ANKRD6: variants seen among roughly 807,000 people sequenced by gnomAD.
The protein encoded by ANKRD6 is ankyrin repeat domain-containing protein 6.
In ANKRD6, 56 loss-of-function variants were observed where a neutral mutation model predicts 82.3. The ratio of observed to expected loss-of-function variants is 0.68; its 90% CI spans 0.55 to 0.85. The LOEUF (loss-of-function observed/expected upper bound fraction) is 0.85. Among genes scored for constraint, ANKRD6 ranks in the 40% least tolerant of loss-of-function variants. The pLI is 0.00. For missense variants in ANKRD6, 852 were observed against 907.6 expected, an observed-to-expected ratio of 0.94 and a Z score of 0.79; for synonymous variants, 347 against 352.1, an observed-to-expected ratio of 0.99 and a Z score of 0.16.
intron 15 of ANKRD6, among the ~76,000 whole-genome samples, chr6:89,629,891 C>T (rs1429540575): frequency 2.0e-5 from 3 of 152,094 alleles, no homozygotes; most frequent in Non-Finnish European, 2.9e-5. Flanking sequence ...GGGGAAACAT[C>T]CCAGGAAAAT....
At chr6:89,520,711 C>A (rs946364517) in intron 1 of ANKRD6, among the ~76,000 whole-genome samples, 2 of 152,190 alleles carry the variant, frequency 1.3e-5, no homozygotes, top group Admixed American at 6.5e-5. Context: ...AAAAAGACAG[C>A]CAATAATATT....
intron 1 of ANKRD6, among the ~76,000 whole-genome samples, chr6:89,513,851 T>C (rs1030321025): frequency 1.3e-5 from 2 of 152,242 alleles, no homozygotes; most frequent in African/African-American, 4.8e-5. Context: ...ATTTATGGCA[T>C]GGCAAAGCAA....
At chr6:89,560,234 GTTC>G (rs1026074148) in intron 1 of ANKRD6, among the ~76,000 whole-genome samples, 1 of 152,206 alleles carries the variant, frequency 6.6e-6, no homozygotes, top group African/African-American at 2.4e-5. Context: ...CTACTTTCCA[GTTC>G]TTCTGGCTAG....
chr6:89,449,029 CAAAAAAAAAAAA>C (rs368751340), intron 1 of ANKRD6, among the ~76,000 whole-genome samples: 1 of 52,424 alleles, frequency 1.9e-5, no homozygotes, highest in Non-Finnish European at 4.2e-5. Flanking sequence ...GACTCCGTCT[CAAAAAAAAAAAA>C]AAAAAAAAAA....
At chr6:89,598,642 G>A (rs34150315) in intron 3 of ANKRD6, among the ~76,000 whole-genome samples, 6,200 of 152,248 alleles carry the variant, frequency 0.041, 184 homozygotes, top group Non-Finnish European at 0.063. Context: ...AGGCACCAAA[G>A]CTCTTAAAAT....
chr6:89,620,067 G>T (rs1042414104), intron 9 of ANKRD6: 2 of 152,224 alleles, frequency 1.3e-5, no homozygotes, highest in African/African-American at 4.8e-5. Context: ...GGCCAGGCTG[G>T]TCTCGAACTC....
intron 1 of ANKRD6, among the ~76,000 whole-genome samples, chr6:89,451,778 C>T (rs936098512): frequency 6.6e-6 from 1 of 152,166 alleles, no homozygotes; most frequent in Non-Finnish European, 1.5e-5. Flanking sequence ...AAAAATAGAA[C>T]ATAAAATATT....
intron 1 of ANKRD6, among the ~76,000 whole-genome samples, chr6:89,537,934 T>C (rs544582450): frequency 6.6e-6 from 1 of 150,522 alleles, no homozygotes; most frequent in East Asian, 1.9e-4. Context: ...TATTATATAA[T>C]GGACTTTACA....
intron 1 of ANKRD6, among the ~76,000 whole-genome samples, chr6:89,460,940 A>T (rs1321654589): frequency 8.0e-6 from 1 of 125,146 alleles, no homozygotes; most frequent in Non-Finnish European, 1.6e-5. Context: ...TCCCTCTGTC[A>T]TCGAGGCTGG....
At chr6:89,573,702 G>A (rs1790468716) in intron 2 of ANKRD6, among the ~76,000 whole-genome samples, 1 of 152,200 alleles carries the variant, frequency 6.6e-6, no homozygotes, top group African/African-American at 2.4e-5. Context: ...GGACAATTTG[G>A]TATAGAAACC....
intron 1 of ANKRD6, among the ~76,000 whole-genome samples, chr6:89,481,491 G>A (rs368358144): frequency 1.2e-4 from 18 of 152,218 alleles, no homozygotes; most frequent in African/African-American, 4.3e-4. Context: ...CTGATTCTAA[G>A]CATTTCAAAT....
chr6:89,609,704 C>T (rs924598988), intron 5 of ANKRD6, among the ~76,000 whole-genome samples: 20 of 152,120 alleles, frequency 1.3e-4, no homozygotes, highest in South Asian at 2.1e-4. Flanking sequence ...CTCTGCCTCC[C>T]GGGTTCAAGC....
chr6:89,501,924 A>T (rs759252057), intron 1 of ANKRD6, among the ~76,000 whole-genome samples: 5 of 151,778 alleles, frequency 3.3e-5, no homozygotes, highest in Non-Finnish European at 7.4e-5. Flanking sequence ...CACAGGATTT[A>T]TGTGTTCTTT....
intron 1 of ANKRD6, among the ~76,000 whole-genome samples, chr6:89,459,871 A>ACGT (rs1773918628): frequency 6.6e-6 from 1 of 152,082 alleles, no homozygotes. Context: ...TTCTTTCCAT[A>ACGT]AACATTTACT....
At chr6:89,573,166 C>T (rs571186199) in intron 2 of ANKRD6, among the ~76,000 whole-genome samples, 2 of 152,326 alleles carry the variant, frequency 1.3e-5, no homozygotes, top group South Asian at 4.2e-4. Flanking sequence ...CCTACTGCCT[C>T]AGCCTCCCAA....
chr6:89,626,288 T>C (rs1189956433), intron 13 of ANKRD6, among the ~76,000 whole-genome samples: 1 of 152,216 alleles, frequency 6.6e-6, no homozygotes, highest in Non-Finnish European at 1.5e-5. Context: ...CTCAAGGGCC[T>C]CACTTCAGTT....
At chr6:89,531,237 A>G (rs775322667) in intron 1 of ANKRD6, among the ~76,000 whole-genome samples, 4 of 152,222 alleles carry the variant, frequency 2.6e-5, no homozygotes, top group Admixed American at 6.5e-5. Flanking sequence ...TCCTGTTTTC[A>G]CAGTTATGTC....
At chr6:89,504,172 C>T (rs1779572806) in intron 1 of ANKRD6, among the ~76,000 whole-genome samples, 1 of 151,392 alleles carries the variant, frequency 6.6e-6, no homozygotes, top group Non-Finnish European at 1.5e-5. Context: ...AACAGAAAGA[C>T]CAGGCACGGG....
intron 1 of ANKRD6, among the ~76,000 whole-genome samples, chr6:89,535,672 A>G (rs1055249760): frequency 1.3e-5 from 2 of 152,184 alleles, no homozygotes; most frequent in Non-Finnish European, 2.9e-5. Context: ...CTTAAGTCAA[A>G]ATGTGTTTCT....
Sources: allele counts gnomAD v4.1 joint callset (sites outside exome capture counted in the v4.1 genomes callset), GRCh38; gene constraint gnomAD v4.1.1; transcripts MANE v1.5; gene names NCBI Gene and HGNC (gene_info 2026-07-23, HGNC 2026-07-21).